Variants in PDE3B observed in about 807,000 individuals in gnomAD.
The protein encoded by PDE3B is phosphodiesterase 3B, also known as cGMP-inhibited 3',5'-cyclic phosphodiesterase 3B.
In PDE3B, 66 loss-of-function variants were observed where a neutral mutation model predicts 116.8. The observed-to-expected ratio is 0.56, with a 90% CI of 0.46 to 0.69. The LOEUF is 0.69. Among genes scored for constraint, PDE3B ranks in the 30% least tolerant of loss-of-function variants. The probability of loss-of-function intolerance (pLI) is 0.00; values close to 1 mark genes in which losing one functional copy is unlikely to be tolerated. For missense variants in PDE3B, 1,384 were observed against 1,368.1 expected, an observed-to-expected ratio of 1.01 and a Z score of -0.18; for synonymous variants, 595 against 533.6, an observed-to-expected ratio of 1.12 and a Z score of -1.59.
chr11:14,733,500 G>A (rs1483000554), intron 1 of PDE3B, among the ~76,000 whole-genome samples: 1 of 152,178 alleles, frequency 6.6e-6, no homozygotes, highest in Non-Finnish European at 1.5e-5. Context: ...ATTCATGAAT[G>A]CTACCATAGT....
intron 5 of PDE3B, among the ~76,000 whole-genome samples, chr11:14,814,641 A>T (rs1272914283): frequency 6.6e-6 from 1 of 152,190 alleles, no homozygotes; most frequent in Non-Finnish European, 1.5e-5. Context: ...GACTACATGA[A>T]CATTAATAAC....
chr11:14,861,690 G>A (rs895726362), intron 14 of PDE3B, among the ~76,000 whole-genome samples: 1 of 152,132 alleles, frequency 6.6e-6, no homozygotes, highest in Non-Finnish European at 1.5e-5. Flanking sequence ...ATTCAACTGA[G>A]GGGCATAAGG....
chr11:14,837,522 G>A (rs532237817), intron 11 of PDE3B, among the ~76,000 whole-genome samples: 1 of 152,278 alleles, frequency 6.6e-6, no homozygotes, highest in African/African-American at 2.4e-5. Context: ...TGTGTAACAC[G>A]GATTCCCTTG....
chr11:14,725,289 T>TTTTCTTTCTTTCTTTCTTTCTC, intron 1 of PDE3B, among the ~76,000 whole-genome samples: 1 of 148,498 alleles, frequency 6.7e-6, no homozygotes, highest in South Asian at 2.2e-4. Flanking sequence ...CTTTCTTTCT[T>TTTTCTTTCTTTCTTTCTTTCTC]TTTCTTTCTT....
At chr11:14,722,330 G>GA (rs1466832998) in intron 1 of PDE3B, among the ~76,000 whole-genome samples, 1 of 151,674 alleles carries the variant, frequency 6.6e-6, no homozygotes, top group Non-Finnish European at 1.5e-5. Context: ...AAGAAAAGGG[G>GA]AAAAATCTAG....
intron 1 of PDE3B, among the ~76,000 whole-genome samples, chr11:14,700,368 GAT>G (rs1365948038): frequency 6.6e-6 from 1 of 151,314 alleles, no homozygotes; most frequent in Non-Finnish European, 1.5e-5. Flanking sequence ...TAAAAATTGA[GAT>G]AGAAAAAGAG....
chr11:14,898,346 C>T, the PDE3B span, among the ~76,000 whole-genome samples: 1 of 152,082 alleles, frequency 6.6e-6, no homozygotes, highest in Non-Finnish European at 1.5e-5. Flanking sequence ...TGCTCCTCAC[C>T]TCCTTTTCCT....
intron 1 of PDE3B, among the ~76,000 whole-genome samples, chr11:14,742,869 T>C (rs1367968874): frequency 1.3e-5 from 2 of 152,116 alleles, no homozygotes; most frequent in Non-Finnish European, 2.9e-5. Flanking sequence ...CTCCAGACCC[T>C]GTTTGCCTGA....
chr11:14,665,768 C>T (rs1257457953), intron 1 of PDE3B, among the ~76,000 whole-genome samples: 3 of 152,078 alleles, frequency 2.0e-5, no homozygotes, highest in Non-Finnish European at 4.4e-5. Context: ...AACCACTGCT[C>T]AATGAAATAA....
chr11:14,803,884 GA>G (rs925503068), intron 4 of PDE3B, 59 bp from the exon 5 acceptor site: 3 of 952,266 alleles, frequency 3.2e-6, no homozygotes, highest in Admixed American at 1.8e-5. Flanking sequence ...GAACCATGAG[GA>G]AAAAAGGTGA....
chr11:14,701,332 A>G (rs1394604107), intron 1 of PDE3B, among the ~76,000 whole-genome samples: 1 of 151,732 alleles, frequency 6.6e-6, no homozygotes, highest in Non-Finnish European at 1.5e-5. Flanking sequence ...AGTTATTCAC[A>G]CCATCTCTTT....
At chr11:14,740,188 C>T (rs1350304092) in intron 1 of PDE3B, among the ~76,000 whole-genome samples, 3 of 152,098 alleles carry the variant, frequency 2.0e-5, no homozygotes, top group Non-Finnish European at 4.4e-5. Flanking sequence ...ACCAACTCAT[C>T]TTTGTATCTC....
chr11:14,739,390 T>C (rs1375236950), intron 1 of PDE3B, among the ~76,000 whole-genome samples: 1 of 128,946 alleles, frequency 7.8e-6, no homozygotes, highest in Non-Finnish European at 1.8e-5. Context: ...TCACTCATGA[T>C]TTGGCTCTCT....
intron 1 of PDE3B, among the ~76,000 whole-genome samples, chr11:14,740,907 G>T (rs372368556): frequency 6.6e-6 from 1 of 152,068 alleles, no homozygotes; most frequent in East Asian, 1.9e-4. Context: ...GTAGTTGTGC[G>T]GTTTTGAGTG....
intron 1 of PDE3B, among the ~76,000 whole-genome samples, chr11:14,770,694 G>C (rs996036668): frequency 1.3e-5 from 2 of 151,508 alleles, no homozygotes; most frequent in Non-Finnish European, 3.0e-5. Context: ...TGTGGGCACT[G>C]GTTCACAAGT....
chr11:14,648,872 G>A (rs1266535447), intron 1 of PDE3B, among the ~76,000 whole-genome samples: 1 of 151,870 alleles, frequency 6.6e-6, no homozygotes, highest in Non-Finnish European at 1.5e-5. Context: ...TTTCTCTTTT[G>A]ATTTTAACAT....
chr11:14,856,938 G>A (rs1847862943), intron 12 of PDE3B, among the ~76,000 whole-genome samples: 1 of 151,098 alleles, frequency 6.6e-6, no homozygotes, highest in African/African-American at 2.4e-5. Flanking sequence ...TGTTTCTTAT[G>A]TTTTAAAAGG....
At position 14,871,783 on chromosome 11, in the gene PDE3B, CTT is replaced by C. The variant is rs1273679464; in HGVS notation, c.*2124_*2125del. 1 of 152,060 alleles carries C rather than the reference CTT, an allele frequency of 6.6e-6. No homozygotes were observed. The highest frequency in any genetic ancestry group is 1.5e-5 in the Non-Finnish European group (1 of 67,972). The allele number at this position is 152,060 out of a possible 1,614,324, so 9.4% of individuals were successfully genotyped here. On this transcript the variant is annotated 3_prime_UTR_variant, in exon 16 of 16. Transcript: ENST00000282096. ...AAAAAGTATCTCTCCCGAGCTGAAA[CTT>C]AAAAATTCGTAAGTGTAAGAAAGAA...
Position 14,844,026 on chromosome 11 carries a change from G to A in PDE3B, c.2520G>A (p.Gln840=), listed in dbSNP as rs777417041. The A allele has an allele frequency of 1.2e-6, 2 of 1,610,766 alleles. No individual in the cohort carries two copies. The highest frequency in any genetic ancestry group is 1.7e-6 in the Non-Finnish European group (2 of 1,177,054). The change falls in exon 12 of 16, where the codon CAG becomes CAA. Residue 840 remains glutamine, a splice_region_variant and synonymous_variant. Transcript: ENST00000282096. ...NAFLVATNAP[Q]AVLYNDRSVL... Reference sequence around the variant, plus strand: ...TTCTAGTGGCTACAAATGCCCCTCAGGTAGGAAATATTTTTAAGAACCTTT... The same window carrying A: ...TTCTAGTGGCTACAAATGCCCCTCAAGTAGGAAATATTTTTAAGAACCTTT...
Sources: allele counts gnomAD v4.1 joint callset (sites outside exome capture counted in the v4.1 genomes callset), GRCh38; gene constraint gnomAD v4.1.1; transcripts MANE v1.5; gene names NCBI Gene and HGNC (gene_info 2026-07-23, HGNC 2026-07-21).